IQSEC2: variants seen among roughly 807,000 people sequenced by gnomAD.
IQSEC2 encodes the protein IQ motif and SEC7 domain-containing protein 2.
IQSEC2 carries 6 observed loss-of-function variants against 74.6 expected under a neutral mutation model. The ratio of observed to expected loss-of-function variants is 0.08; its 90% CI spans 0.04 to 0.16. IQSEC2 has a LOEUF of 0.16. Ranked by LOEUF, IQSEC2 falls within the 10% of genes least tolerant of loss-of-function variation. The pLI is 1.00. For synonymous variants in IQSEC2, 494 were observed against 544.5 expected, an observed-to-expected ratio of 0.91 and a Z score of 1.29; for missense variants, 734 against 1,306.2, an observed-to-expected ratio of 0.56 and a Z score of 6.75.
intron 10 of IQSEC2, chrX:53,239,672 C>T: frequency 4.6e-6 from 1 of 216,928 alleles, no homozygotes; most frequent in Non-Finnish European, 8.5e-6. Flanking sequence ...AGTGTGTGAT[C>T]GCCCCCTGCT....
At chrX:53,294,205 C>G (rs73634288) in intron 1 of IQSEC2, among the ~76,000 whole-genome samples, 8,374 of 111,942 alleles carry the variant, frequency 0.075, 755 homozygotes, top group African/African-American at 0.26. Flanking sequence ...TGATATGTGA[C>G]AGTCCTCAAG....
Position 53,254,929 on chromosome X carries a change from C to T in IQSEC2, c.1002G>A (p.Val334=). The T allele has an allele frequency of 8.3e-7, 1 of 1,209,510 alleles. No individual in the cohort carries two copies. Among genetic ancestry groups the T allele is most frequent in the Non-Finnish European group, 1.1e-6 (1 of 894,701 alleles). Residue 334 remains valine (V), a splice_region_variant and synonymous_variant, in exon 4 of 15, where the codon GTG becomes GTA. Transcript: ENST00000642864. Reference sequence around the variant, plus strand: ...CCCCATACTTCCTCTCCAGCATTTCCACCTGGCAGAGAAGGGTCGAGGGGA... The same window carrying T: ...CCCCATACTTCCTCTCCAGCATTTCTACCTGGCAGAGAAGGGTCGAGGGGA... ...ELSTDLQDKK[V]EMLERKYGGS...
chrX:53,231,411 GAGTT>G (rs2074063898), downstream of IQSEC2: 1 of 111,928 alleles, frequency 8.9e-6, no homozygotes, highest in Admixed American at 9.4e-5. Context: ...TGAGGAATGA[GAGTT>G]AGGACCACAG....
In IQSEC2 at chrX:53,314,991, C is replaced by T. The variant is rs960212478; in HGVS notation, c.707+5426G>A. 1.3e-4 allele frequency among the ~76,000 whole-genome samples: 15 copies of T among 111,818 alleles called. No individual in the cohort carries two copies. The East Asian group carries it at 1.4e-3, about 10-fold the overall frequency. The stretch of plus-strand genomic sequence containing the variant: ...TTTAAAGCCCACCTGCGGGAGGCAG[C>T]GGTGTACCATAGGTTTGGAAGCCAG... On this transcript the variant is annotated intron_variant, in intron 1 of 14. Transcript: ENST00000642864.
rs972539862 is a variant in IQSEC2, at chrX:53,233,207, G to A, written c.*1012C>T. 2 of 112,163 alleles carry A rather than the reference G, an allele frequency of 1.8e-5. No homozygotes were observed. The highest frequency in any genetic ancestry group is 3.2e-5 in the African/African-American group (1 of 30,827). The allele number at this position is 112,163 out of a possible 1,213,427, so 9.2% of individuals were successfully genotyped here. A position where few individuals can be genotyped will look rare whatever the true frequency, so the allele number is the denominator to read the frequency against. On this transcript the variant is annotated 3_prime_UTR_variant, in exon 15 of 15. Coordinates refer to ENST00000642864, the MANE Select transcript of IQSEC2 (RefSeq NM_001111125.3). ...CTGGAGAGGCAGCGGAGATTCTGAC[G>A]GACAGAAGGACTCAGGCATTCTGGC...
At chrX:53,230,893 G>A (rs1397223883), downstream of IQSEC2, 2 of 111,907 alleles carry the variant, frequency 1.8e-5, no homozygotes, top group Non-Finnish European at 3.8e-5. Flanking sequence ...AGGGAGTGAG[G>A]AGCATGGACA....
chrX:53,241,697 C>A (rs1367607210), intron 10 of IQSEC2, 87 bp downstream of exon 10: 2 of 1,153,164 alleles, frequency 1.7e-6, no homozygotes, highest in Non-Finnish European at 2.4e-6. Flanking sequence ...CTCCACACAC[C>A]ACACACCTAC....
At chrX:53,257,772 T>G (rs1474005352) in intron 2 of IQSEC2, among the ~76,000 whole-genome samples, 1 of 112,333 alleles carries the variant, frequency 8.9e-6, no homozygotes, top group Admixed American at 9.4e-5. Flanking sequence ...GTACCATTCT[T>G]ACCACTTCAC....
chrX:53,285,152 C>T (rs374153974), intron 2 of IQSEC2, among the ~76,000 whole-genome samples: 29 of 111,925 alleles, frequency 2.6e-4, no homozygotes, highest in Admixed American at 2.1e-3. Flanking sequence ...TCTACTCATG[C>T]TCCAAGCTTC....
At chrX:53,266,088 C>T (rs782531052) in intron 2 of IQSEC2, among the ~76,000 whole-genome samples, 9 of 112,133 alleles carry the variant, frequency 8.0e-5, no homozygotes, top group Non-Finnish European at 1.7e-4. Flanking sequence ...CCCTCTAATC[C>T]AACCCTTCTC....
In IQSEC2 at chrX:53,300,670, C is replaced by T. The variant is rs115622977; in HGVS notation, c.708-8746G>A. Among the ~76,000 whole-genome samples the T allele has an allele frequency of 1.6e-3, 174 of 111,646 alleles. 1 individual carries two copies. The highest frequency in any genetic ancestry group is 5.5e-3 in the African/African-American group (170 of 30,718). On this transcript the variant is annotated intron_variant, in intron 1 of 14. Coordinates refer to ENST00000642864, the MANE Select transcript of IQSEC2 (RefSeq NM_001111125.3). ...AATTGGACCCAGCTAGAGGGACCAT[C>T]TAGAAAGGGAAATAAGCTGAATACA...
intron 9 of IQSEC2, among the ~76,000 whole-genome samples, chrX:53,242,980 C>T (rs1251921817): frequency 9.0e-6 from 1 of 111,171 alleles, no homozygotes; most frequent in Non-Finnish European, 1.9e-5. Context: ...TGAGGTGATC[C>T]ACCCACCTCG....
chrX:53,236,284 G>T, intron 13 of IQSEC2, 38 bp downstream of exon 13: 2 of 1,183,263 alleles, frequency 1.7e-6, no homozygotes, highest in Non-Finnish European at 2.3e-6. Context: ...ACCCGGTCCC[G>T]TGTCTCCCCA....
intron 12 of IQSEC2, among the ~76,000 whole-genome samples, chrX:53,237,111 C>T (rs1443937492): frequency 8.9e-6 from 1 of 111,918 alleles, no homozygotes; most frequent in East Asian, 2.8e-4. Context: ...TTAGCATCCA[C>T]ATTGTGCAGA....
intron 1 of IQSEC2, among the ~76,000 whole-genome samples, chrX:53,317,213 A>G (rs1191497417): frequency 8.9e-6 from 1 of 112,128 alleles, no homozygotes; most frequent in Non-Finnish European, 1.9e-5. Flanking sequence ...GTCAGGACCA[A>G]CGACTAAAAA....
At chrX:53,293,751 A>G (rs782652036) in intron 1 of IQSEC2, among the ~76,000 whole-genome samples, 5 of 112,208 alleles carry the variant, frequency 4.5e-5, no homozygotes, top group Non-Finnish European at 9.4e-5. Flanking sequence ...GAGCTCGTGG[A>G]CTGGCCACTT....
chrX:53,237,149 T>C (rs1249346894), intron 12 of IQSEC2, among the ~76,000 whole-genome samples: 3 of 111,745 alleles, frequency 2.7e-5, no homozygotes, highest in Non-Finnish European at 5.7e-5. Context: ...CGAGAAGTCT[T>C]AGAGCTTGCC....
intron 2 of IQSEC2, among the ~76,000 whole-genome samples, chrX:53,279,927 G>GGAAGGA (rs2074920119): frequency 3.9e-4 from 21 of 53,343 alleles, no homozygotes; most frequent in African/African-American, 1.8e-3. Flanking sequence ...GGGAGGGAGG[G>GGAAGGA]AGGGAGGAAG....
chrX:53,272,678 A>G (rs1248051353), intron 2 of IQSEC2, among the ~76,000 whole-genome samples: 1 of 111,538 alleles, frequency 9.0e-6, no homozygotes, highest in Non-Finnish European at 1.9e-5. Context: ...TCCCTTTCCC[A>G]GGAACGCCTA....
Sources: allele counts gnomAD v4.1 joint callset (sites outside exome capture counted in the v4.1 genomes callset), GRCh38; gene constraint gnomAD v4.1.1; transcripts MANE v1.5; gene names NCBI Gene and HGNC (gene_info 2026-07-23, HGNC 2026-07-21).